The following SCEL variants were observed in gnomAD, a reference collection of about 807,000 sequenced individuals.
SCEL encodes sciellin.
SCEL carries 113 observed loss-of-function variants against 117.6 expected under a neutral mutation model. That is an observed-to-expected ratio of 0.96 (90% confidence interval 0.83 to 1.12). The LOEUF (loss-of-function observed/expected upper bound fraction) is 1.12, where lower values mean the gene tolerates loss of function less well. Among genes scored for constraint, SCEL ranks in the 50% most tolerant of loss-of-function variants. The pLI is 0.00. For synonymous variants in SCEL, 270 were observed against 256.2 expected (o/e 1.05, Z -0.51); for missense variants, 785 against 810.8 (o/e 0.97, Z 0.39).
intron 1 of SCEL, among the ~76,000 whole-genome samples, chr13:77,553,148 G>T (rs1200322889): frequency 6.6e-6 from 1 of 152,148 alleles, no homozygotes; most frequent in Non-Finnish European, 1.5e-5. Context: ...AATTTTGGAG[G>T]AACGTGACTT....
chr13:77,636,419 G>C (rs1298412698), intron 29 of SCEL, among the ~76,000 whole-genome samples: 1 of 152,160 alleles, frequency 6.6e-6, no homozygotes, highest in African/African-American at 2.4e-5. Context: ...AAAATCCCAA[G>C]TGAGAGCCAT....
At chr13:77,548,221 C>T (rs1272858959) in intron 1 of SCEL, among the ~76,000 whole-genome samples, 1 of 152,222 alleles carries the variant, frequency 6.6e-6, no homozygotes, top group African/African-American at 2.4e-5. Context: ...TTCCTCTTTG[C>T]AGAGGCAGAA....
rs374021238 is a variant in SCEL, at chr13:77,627,929, A to G, written c.1629-18A>G. ...CATTATGTTGTAATTATTCATATAT[A>G]TATATTTTTTTCCTTAGAGACCAGA... is the stretch of plus-strand genomic sequence containing the variant. On this transcript the variant is annotated intron_variant, in intron 27 of 32. Coordinates refer to ENST00000349847, the MANE Select transcript of SCEL (RefSeq NM_144777.3). 571 of 1,077,580 alleles carry G rather than the reference A, an allele frequency of 5.3e-4. 4 individuals are homozygous for G. The highest frequency in any genetic ancestry group is 1.1e-3 in the Middle Eastern group (5 of 4,386). The allele number at this position is 1,077,580 out of a possible 1,614,324, so 66.8% of individuals were successfully genotyped here. A position where few individuals can be genotyped will look rare whatever the true frequency, so the allele number is the denominator to read the frequency against.
chr13:77,640,062 T>C (rs1465300982), intron 30 of SCEL, among the ~76,000 whole-genome samples: 3 of 152,092 alleles, frequency 2.0e-5, no homozygotes, highest in African/African-American at 7.2e-5. Context: ...CCCATCAAAT[T>C]TGTGGTGGGG....
intron 6 of SCEL, 52 bp from the exon 7 acceptor site, chr13:77,568,243 G>A (rs1762031736): frequency 2.6e-6 from 3 of 1,168,772 alleles, no homozygotes; most frequent in Admixed American, 1.9e-5. Flanking sequence ...CCAAATAGAT[G>A]CAAATGTTCA....
intron 9 of SCEL, 65 bp downstream of exon 9, chr13:77,572,254 A>G: frequency 3.2e-6 from 4 of 1,259,200 alleles, no homozygotes; most frequent in Non-Finnish European, 4.6e-6. Flanking sequence ...AGACATTGAC[A>G]ACATATAATT....
intron 5 of SCEL, among the ~76,000 whole-genome samples, chr13:77,564,312 A>C: frequency 6.6e-6 from 1 of 152,014 alleles, no homozygotes; most frequent in East Asian, 1.9e-4. Context: ...AAATTTTAAT[A>C]ATACAATAGT....
At chr13:77,555,024 A>G (rs2084571277) in intron 1 of SCEL, among the ~76,000 whole-genome samples, 1 of 152,152 alleles carries the variant, frequency 6.6e-6, no homozygotes, top group Admixed American at 6.5e-5. Context: ...ATTTCTTTCA[A>G]TCACAAGAAA....
At position 77,611,265 on chromosome 13, in the gene SCEL, C is replaced by G. The variant is rs201133658; in HGVS notation, c.1337+1159C>G. ...TGGGCATGGCTGCGTTTCAATAAAA[C>G]TTTATTTACAAAAGCAGGCTGCAAG... On this transcript the variant is annotated intron_variant, in intron 22 of 32. Transcript: ENST00000349847. 2.0e-5 allele frequency among the ~76,000 whole-genome samples: 3 copies of G among 152,268 alleles called. No individual in the cohort carries two copies. The East Asian group carries it at 5.8e-4, about 29-fold the overall frequency.
chr13:77,565,280 C>A (rs1567356210), intron 5 of SCEL, among the ~76,000 whole-genome samples: 1 of 152,060 alleles, frequency 6.6e-6, no homozygotes, highest in Non-Finnish European at 1.5e-5. Flanking sequence ...GGTCCTACTA[C>A]CCCTCACTCC....
intron 12 of SCEL, among the ~76,000 whole-genome samples, chr13:77,595,863 A>C (rs1308700303): frequency 6.6e-6 from 1 of 152,182 alleles, no homozygotes; most frequent in African/African-American, 2.4e-5. Context: ...GGATTCACCT[A>C]TGTACTGGCT....
chr13:77,557,573 A>G (rs1803246615), intron 3 of SCEL, among the ~76,000 whole-genome samples: 1 of 152,352 alleles, frequency 6.6e-6, no homozygotes, highest in African/African-American at 2.4e-5. Flanking sequence ...CTAATGGCAC[A>G]TAGCTATTTA....
At chr13:77,639,128 C>T (rs1236996254) in intron 30 of SCEL, among the ~76,000 whole-genome samples, 2 of 152,100 alleles carry the variant, frequency 1.3e-5, no homozygotes, top group Non-Finnish European at 2.9e-5. Flanking sequence ...GAGACTGGCT[C>T]ACCACTCTTT....
chr13:77,609,120 A>G lies in SCEL; in HGVS notation c.1277+3A>G. The G allele has an allele frequency of 6.3e-7, 1 of 1,585,442 alleles. No individual in the cohort carries two copies. The highest frequency in any genetic ancestry group is 8.6e-7 in the Non-Finnish European group (1 of 1,168,960). On this transcript the variant is annotated splice_donor_region_variant and intron_variant, in intron 21 of 32. Coordinates refer to ENST00000349847, the MANE Select transcript of SCEL (RefSeq NM_144777.3). ...GGAACAGAAAAAAGTACTGAAGGGT[A>G]AGATTTAATAAGCTCCCTTTTTTGT... is the stretch of plus-strand genomic sequence containing the variant.
chr13:77,633,435 T>C (rs2090120922), intron 28 of SCEL, among the ~76,000 whole-genome samples: 1 of 33,432 alleles, frequency 3.0e-5, no homozygotes, highest in African/African-American at 1.4e-4. Context: ...AGAGCGAGAC[T>C]CCGCCTCAAA....
chr13:77,596,991 A>G (rs2154400876), intron 12 of SCEL: 1 of 152,416 alleles, frequency 6.6e-6, no homozygotes, highest in South Asian at 2.1e-4. Context: ...CTGGAAATGA[A>G]GTAGCAGAGC....
rs140204614 is a variant in SCEL, at chr13:77,555,917, T to G, written c.42T>G (p.Asn14Lys). 1.5e-5 allele frequency: 24 copies of G among 1,612,906 alleles called. No individual in the cohort carries two copies. The African/African-American group carries it at 3.2e-4, about 22-fold the overall frequency. Residue 14 changes from asparagine (N) to lysine (K), a missense_variant and splice_region_variant, in exon 2 of 33, where the codon AAT becomes AAG. Transcript: ENST00000349847. ...TGAGAAAAATGTCTCCCACAGGAAA[T>G]GGTAATGTACATGATGTTTCTCTCA... ...VTLRKMSPTG[N>K]EMKSTTQGTT...
chr13:77,537,097 A>G (rs1462809265), intron 1 of SCEL, among the ~76,000 whole-genome samples: 2 of 152,250 alleles, frequency 1.3e-5, no homozygotes, highest in Non-Finnish European at 2.9e-5. Flanking sequence ...CTGAGAAATG[A>G]CAACAGTAAA....
chr13:77,596,385 CAG>C (rs2087231157), intron 12 of SCEL, among the ~76,000 whole-genome samples: 1 of 151,812 alleles, frequency 6.6e-6, no homozygotes, highest in South Asian at 2.1e-4. Context: ...TTAGTAATGA[CAG>C]GGCATTATTT....
Sources: gnomAD v4.1 joint callset for allele counts (sites outside exome capture counted in the v4.1 genomes callset) on GRCh38, gnomAD v4.1.1 for gene constraint, MANE v1.5 for transcripts, NCBI Gene and HGNC (gene_info 2026-07-23, HGNC 2026-07-21) for gene names.